TRIO: variants seen among roughly 807,000 people sequenced by gnomAD.
TRIO encodes the protein triple functional domain protein.
TRIO carries 58 observed loss-of-function variants against 351.9 expected under a neutral mutation model. The ratio of observed to expected loss-of-function variants is 0.16; its 90% CI spans 0.13 to 0.21. TRIO has a LOEUF of 0.21. Ranked by LOEUF, TRIO falls within the 10% of genes least tolerant of loss-of-function variation. The probability of loss-of-function intolerance (pLI) is 1.00; values close to 1 mark genes in which losing one functional copy is unlikely to be tolerated. For synonymous variants in TRIO, 1,758 were observed against 1,595.7 expected (o/e 1.10, Z -2.42); for missense variants, 3,201 against 4,027.8 (o/e 0.79, Z 5.56).
chr5:14,488,673 C>T (rs1756235853), intron 48 of TRIO: 3 of 538,626 alleles, frequency 5.6e-6, no homozygotes, highest in Non-Finnish European at 1.0e-5. Context: ...CTTGGTTTTG[C>T]TCTTTTATGC....
chr5:14,478,379 A>G lies in TRIO; in HGVS notation c.6154-882A>G, dbSNP rs1755250638. Among the ~76,000 whole-genome samples, 3 of 152,222 alleles carry G rather than the reference A, an allele frequency of 2.0e-5. No individual in the cohort carries two copies. In the South Asian group the frequency reaches 6.2e-4, roughly 32 times the overall value. On this transcript the variant is annotated intron_variant, in intron 41 of 56. Transcript: ENST00000344204. The stretch of plus-strand genomic sequence containing the variant: ...CCCACCATTGGTTTTGCACATCAGC[A>G]CAGATGTCAGCACAACAAAAAGGAC...
intron 8 of TRIO, among the ~76,000 whole-genome samples, chr5:14,306,590 G>A (rs1359989699): frequency 1.3e-5 from 2 of 152,260 alleles, no homozygotes; most frequent in East Asian, 3.8e-4. Context: ...TTTGAATGCA[G>A]TGGTGGGCTT....
intron 1 of TRIO, chr5:14,184,057 G>A (rs547699508): frequency 1.5e-6 from 1 of 681,936 alleles, no homozygotes; most frequent in South Asian, 1.5e-5. Flanking sequence ...GATGGACCTT[G>A]ACCTCAGAGC....
Position 14,336,627 on chromosome 5 carries a change from C to T in TRIO, c.1946C>T (p.Ala649Val), listed in dbSNP as rs756104781. ...GACCCCGAAGAGATTTATCAGGCTG[C>T]CCATCAGCTGGAAGACCGGATTCAA... The part of the protein sequence containing the change: ...ECDPEEIYQA[A>V]HQLEDRIQDF... Residue 649 changes from alanine (A) to valine (V), a missense_variant, in exon 11 of 57, where the codon GCC (alanine) becomes GTC (valine). Ala to Val is a moderately conservative substitution (Grantham distance 64, BLOSUM62 0). Around this residue, in one of 19 missense-constraint regions of TRIO, gnomAD observed 363 missense variants for 553.5 expected, o/e 0.66. Coordinates refer to ENST00000344204, the MANE Select transcript of TRIO (RefSeq NM_007118.4). 2 of 1,614,168 alleles carry T rather than the reference C, an allele frequency of 1.2e-6. No homozygotes were observed. Among genetic ancestry groups the T allele is most frequent in the Admixed American group, 1.7e-5 (1 of 60,012 alleles).
intron 36 of TRIO, among the ~76,000 whole-genome samples, chr5:14,464,025 G>A (rs1754038981): frequency 6.6e-6 from 1 of 152,148 alleles, no homozygotes; most frequent in Non-Finnish European, 1.5e-5. Context: ...CTGAGCACAG[G>A]TTGGAGTCCT....
chr5:14,343,867 A>G (rs769402023), intron 11 of TRIO, among the ~76,000 whole-genome samples: 2 of 152,254 alleles, frequency 1.3e-5, no homozygotes, highest in Non-Finnish European at 2.9e-5. Context: ...TGAGCGTACC[A>G]TGGTACATTA....
intron 48 of TRIO, 38 bp downstream of exon 48, chr5:14,488,298 T>G: frequency 7.6e-7 from 1 of 1,307,294 alleles, no homozygotes; most frequent in Non-Finnish European, 1.0e-6. Context: ...CCCGCCCCCC[T>G]GCCTCTGTCC....
intron 1 of TRIO, among the ~76,000 whole-genome samples, chr5:14,191,000 G>A (rs1412081147): frequency 6.6e-6 from 1 of 152,108 alleles, no homozygotes; most frequent in African/African-American, 2.4e-5. Flanking sequence ...TTAATAACTA[G>A]CGCAGCGTGT....
chr5:14,498,182 C>G lies in TRIO; in HGVS notation c.8141C>G (p.Ala2714Gly). The G allele has an allele frequency of 6.2e-7, 1 of 1,614,192 alleles. No homozygotes were observed. Among genetic ancestry groups the G allele is most frequent in the Non-Finnish European group, 8.5e-7 (1 of 1,180,034 alleles). ...LRCRVCGRPKASITWKGPEHN... is the reference protein window; with the variant it reads ...LRCRVCGRPKGSITWKGPEHN... Reference sequence around the variant, plus strand: ...TGTCGAGTCTGTGGCCGCCCCAAAGCCTCAATTACCTGGAAGGGCCCTGAA... The same window carrying G: ...TGTCGAGTCTGTGGCCGCCCCAAAGGCTCAATTACCTGGAAGGGCCCTGAA... The change falls in exon 52 of 57, where the codon GCC becomes GGC. Residue 2714 changes from alanine to glycine, a missense_variant. Ala to Gly is a moderately conservative substitution (Grantham distance 60, BLOSUM62 0). Transcript: ENST00000344204.
chr5:14,316,459 C>T, intron 8 of TRIO, 54 bp from the exon 9 acceptor site: 2 of 1,587,392 alleles, frequency 1.3e-6, no homozygotes, highest in Non-Finnish European at 8.6e-7. Flanking sequence ...ATCTGTGGCA[C>T]AGCCTAGGCC....
chr5:14,370,655 A>T (rs539146563), intron 18 of TRIO, among the ~76,000 whole-genome samples: 2 of 152,322 alleles, frequency 1.3e-5, no homozygotes, highest in East Asian at 3.9e-4. Context: ...TTGTGCTCCC[A>T]CCACAGTGAT....
At chr5:14,416,091 G>A (rs528045762) in intron 33 of TRIO, among the ~76,000 whole-genome samples, 2 of 150,780 alleles carry the variant, frequency 1.3e-5, no homozygotes, top group Admixed American at 1.3e-4. Context: ...AGAAAGAAAA[G>A]GGAATTTTTA....
chr5:14,174,029 A>G (rs928881992), intron 1 of TRIO, among the ~76,000 whole-genome samples: 19 of 152,354 alleles, frequency 1.2e-4, no homozygotes, highest in Admixed American at 1.2e-3. Flanking sequence ...AAGACAGAGA[A>G]ATATGTCTGC....
intron 7 of TRIO, among the ~76,000 whole-genome samples, chr5:14,300,048 G>A (rs1169093657): frequency 1.3e-5 from 2 of 152,220 alleles, no homozygotes; most frequent in African/African-American, 4.8e-5. Context: ...GTCATCTCCA[G>A]TGAAGGTTGT....
intron 1 of TRIO, among the ~76,000 whole-genome samples, chr5:14,174,080 G>C (rs1789265276): frequency 6.6e-6 from 1 of 152,316 alleles, no homozygotes; most frequent in South Asian, 2.1e-4. Flanking sequence ...TTTGTGTACT[G>C]TTTAGAGAGA....
intron 1 of TRIO, among the ~76,000 whole-genome samples, chr5:14,194,365 G>T (rs1172575652): frequency 6.6e-6 from 1 of 152,164 alleles, no homozygotes; most frequent in African/African-American, 2.4e-5. Context: ...CTCGTATTAT[G>T]TGATCTCTTG....
intron 1 of TRIO, among the ~76,000 whole-genome samples, chr5:14,200,242 A>C (rs1037361558): frequency 6.6e-6 from 1 of 151,878 alleles, no homozygotes; most frequent in Non-Finnish European, 1.5e-5. Context: ...CATCCTTCTC[A>C]GGGCCCTTCC....
chr5:14,441,639 A>G (rs7712938), intron 34 of TRIO, among the ~76,000 whole-genome samples: 2,118 of 152,242 alleles, frequency 0.014, 40 homozygotes, highest in African/African-American at 0.049. Flanking sequence ...GCTTTTTATT[A>G]TCCCTTTTTC....
Position 14,363,783 on chromosome 5 carries a change from G to T in TRIO, c.2443G>T (p.Asp815Tyr). Residue 815 changes from aspartate (D) to tyrosine (Y), a missense_variant, in exon 14 of 57, where the codon GAC becomes TAC. Asp to Tyr is a radical substitution (Grantham distance 160, BLOSUM62 -3). Transcript: ENST00000344204. ...WNDELSQQMN[D>Y]FDTEDLTIAE... ...TGATGAGCTTTCTCAGCAAATGAATGACTTCGACACAGAAGATCTCACGAT... is the reference window on the plus strand; with the variant it reads ...TGATGAGCTTTCTCAGCAAATGAATTACTTCGACACAGAAGATCTCACGAT... 1 of 1,614,134 alleles carries T rather than the reference G, an allele frequency of 6.2e-7. No individual in the cohort carries two copies. Among genetic ancestry groups the T allele is most frequent in the South Asian group, 1.1e-5 (1 of 91,046 alleles).
Sources: allele counts gnomAD v4.1 joint callset (sites outside exome capture counted in the v4.1 genomes callset), GRCh38; gene constraint gnomAD v4.1.1; regional missense constraint gnomAD v4.1.1; transcripts MANE v1.5; gene names NCBI Gene and HGNC (gene_info 2026-07-23, HGNC 2026-07-21).